The following SH3RF3 variants were observed in gnomAD, a reference collection of about 807,000 sequenced individuals.
The protein encoded by SH3RF3 is E3 ubiquitin-protein ligase SH3RF3.
Under a neutral mutation model 66.3 loss-of-function variants are expected in SH3RF3, and 29 were observed. The observed-to-expected ratio is 0.44, with a 90% CI of 0.33 to 0.60. The LOEUF is 0.60. Ranked by LOEUF, SH3RF3 falls within the 20% of genes least tolerant of loss-of-function variation. The probability of loss-of-function intolerance (pLI) is 0.04; values close to 1 mark genes in which losing one functional copy is unlikely to be tolerated. For synonymous variants in SH3RF3, 583 were observed against 532.0 expected, an observed-to-expected ratio of 1.10 and a Z score of -1.32; for missense variants, 1,194 against 1,190.9, an observed-to-expected ratio of 1.00 and a Z score of -0.04.
chr2:109,473,229 G>A (rs1678574384), intron 8 of SH3RF3, among the ~76,000 whole-genome samples: 1 of 152,210 alleles, frequency 6.6e-6, no homozygotes, highest in African/African-American at 2.4e-5. Flanking sequence ...CACAGGCCTG[G>A]GCTGGCCCCA....
At chr2:109,407,822 T>C (rs116932054) in intron 4 of SH3RF3, among the ~76,000 whole-genome samples, 1 of 152,372 alleles carries the variant, frequency 6.6e-6, no homozygotes, top group East Asian at 1.9e-4. Context: ...TGTACCTCCA[T>C]GACTTACCAA....
intron 1 of SH3RF3, among the ~76,000 whole-genome samples, chr2:109,199,814 G>C (rs1574500387): frequency 1.6e-5 from 1 of 61,978 alleles, no homozygotes; most frequent in Non-Finnish European, 4.0e-5. Flanking sequence ...GAATGGAATG[G>C]AATGGAATGG....
At chr2:109,386,926 G>A (rs768844880) in intron 3 of SH3RF3, among the ~76,000 whole-genome samples, 3 of 152,290 alleles carry the variant, frequency 2.0e-5, no homozygotes, top group Non-Finnish European at 2.9e-5. Context: ...CCCATAGGTC[G>A]ATGGAGACTC....
chr2:109,403,568 A>G (rs1427363654), intron 4 of SH3RF3, among the ~76,000 whole-genome samples: 2 of 152,216 alleles, frequency 1.3e-5, no homozygotes, highest in Non-Finnish European at 2.9e-5. Flanking sequence ...GGCTGACCTC[A>G]GGCCAAAGGA....
At position 109,293,374 on chromosome 2, in the gene SH3RF3, A is replaced by C. The variant is rs182024380; in HGVS notation, c.574-54300A>C. On this transcript the variant is annotated intron_variant, in intron 1 of 9. Transcript: ENST00000309415. ...ATCAGGGGCCAGAAAAATCTGGGAA[A>C]GGGGCTGCAGCCCTGTTCTCTTGTC... Among the ~76,000 whole-genome samples the C allele has an allele frequency of 2.8e-3, 427 of 152,354 alleles. 5 individuals are homozygous for C. The highest frequency in any genetic ancestry group is 9.7e-3 in the African/African-American group (405 of 41,588).
At chr2:109,483,475 A>G (rs1047865496) in intron 8 of SH3RF3, among the ~76,000 whole-genome samples, 1 of 152,032 alleles carries the variant, frequency 6.6e-6, no homozygotes, top group Non-Finnish European at 1.5e-5. Context: ...TCCCCGCAAG[A>G]CCTTGGCACC....
chr2:109,289,624 G>A (rs532827460), intron 1 of SH3RF3, among the ~76,000 whole-genome samples: 1 of 152,312 alleles, frequency 6.6e-6, no homozygotes, highest in Non-Finnish European at 1.5e-5. Flanking sequence ...GAGACATCAC[G>A]TGGAAAGCTA....
intron 4 of SH3RF3, among the ~76,000 whole-genome samples, chr2:109,409,681 C>T (rs528430486): frequency 4.6e-5 from 7 of 152,158 alleles, no homozygotes; most frequent in East Asian, 1.9e-4. Flanking sequence ...TGGGGCTCCC[C>T]GGCCACTGCC....
At chr2:109,466,265 T>G (rs559806984) in intron 8 of SH3RF3, among the ~76,000 whole-genome samples, 24 of 152,140 alleles carry the variant, frequency 1.6e-4, no homozygotes, top group African/African-American at 4.8e-4. Context: ...GTATTTTTAG[T>G]AGAGACGGGG....
rs528383377 is a variant in SH3RF3, at chr2:109,330,357, C to CT, written c.574-17307dup. On this transcript the variant is annotated intron_variant, in intron 1 of 9. Transcript: ENST00000309415. ...GCCTATCTCTCTCCGTCTCTTCCTT[C>CT]TTTTTTTTTTCTTGTCTTGGCATAT... Among the ~76,000 whole-genome samples, 102 of 150,460 alleles carry CT rather than the reference C, an allele frequency of 6.8e-4. 2 individuals carry two copies. Among genetic ancestry groups the CT allele is most frequent in the South Asian group, 4.0e-3 (19 of 4,738 alleles).
chr2:109,238,045 A>C (rs1422723824), intron 1 of SH3RF3, among the ~76,000 whole-genome samples: 1 of 152,164 alleles, frequency 6.6e-6, no homozygotes, highest in Non-Finnish European at 1.5e-5. Flanking sequence ...ATCTCTACAA[A>C]ATATTAAAAA....
chr2:109,419,303 G>C (rs896190841), intron 4 of SH3RF3, among the ~76,000 whole-genome samples: 1 of 152,176 alleles, frequency 6.6e-6, no homozygotes, highest in African/African-American at 2.4e-5. Context: ...GATGCAGGCC[G>C]TAGAAGGCTC....
intron 2 of SH3RF3, among the ~76,000 whole-genome samples, chr2:109,349,018 TTTC>T (rs1682783164): frequency 6.6e-6 from 1 of 152,120 alleles, no homozygotes; most frequent in Non-Finnish European, 1.5e-5. Flanking sequence ...TGTGTCAGTA[TTTC>T]TCTCTCTCTC....
At chr2:109,460,836 A>C (rs1398387204) in intron 8 of SH3RF3, among the ~76,000 whole-genome samples, 1 of 152,240 alleles carries the variant, frequency 6.6e-6, no homozygotes, top group Non-Finnish European at 1.5e-5. Flanking sequence ...AGCAAAGTGC[A>C]CAACCAGGTG....
intron 8 of SH3RF3, among the ~76,000 whole-genome samples, chr2:109,478,492 A>G (rs1393857667): frequency 6.6e-6 from 1 of 152,236 alleles, no homozygotes; most frequent in Non-Finnish European, 1.5e-5. Context: ...AGATGTCTTC[A>G]TGCTTTCCAT....
chr2:109,472,283 G>A (rs765049035), intron 8 of SH3RF3, among the ~76,000 whole-genome samples: 3 of 151,894 alleles, frequency 2.0e-5, no homozygotes, highest in Non-Finnish European at 4.4e-5. Flanking sequence ...CCAGGAAGAC[G>A]GTGGCAGGAG....
intron 7 of SH3RF3, among the ~76,000 whole-genome samples, chr2:109,447,911 C>G (rs942898381): frequency 2.6e-5 from 4 of 152,188 alleles, no homozygotes; most frequent in African/African-American, 9.7e-5. Flanking sequence ...TTTTGTAAAC[C>G]TGGAAGCCCG....
At chr2:109,375,401 C>T (rs964936513) in intron 3 of SH3RF3, among the ~76,000 whole-genome samples, 1 of 152,218 alleles carries the variant, frequency 6.6e-6, no homozygotes, top group Non-Finnish European at 1.5e-5. Flanking sequence ...GCGCCCCTTG[C>T]CAGGAGCCTA....
In SH3RF3 at chr2:109,276,578, G is replaced by C. The variant is rs534263365; in HGVS notation, c.574-71096G>C. ...ACTGGAGAAAACTTGTGTTTCATTT[G>C]TATATTGTGAAACTAAATGGCATGC... On this transcript the variant is annotated intron_variant, in intron 1 of 9. Transcript: ENST00000309415. 5.3e-5 allele frequency among the ~76,000 whole-genome samples: 8 copies of C among 152,320 alleles called. No individual in the cohort carries two copies. In the South Asian group the frequency reaches 1.5e-3, roughly 28 times the overall value.
Sources: allele counts gnomAD v4.1 joint callset (sites outside exome capture counted in the v4.1 genomes callset), GRCh38; gene constraint gnomAD v4.1.1; transcripts MANE v1.5; gene names NCBI Gene and HGNC (gene_info 2026-07-23, HGNC 2026-07-21).